The following PRSS56 variants were observed in gnomAD, a reference collection of about 807,000 sequenced individuals.
PRSS56 encodes protease, serine 56.
A neutral mutation model predicts 66.8 loss-of-function variants in PRSS56; 55 were observed. The observed-to-expected ratio is 0.82, with a 90% CI of 0.66 to 1.03. PRSS56 has a LOEUF of 1.03. PRSS56 is among the 50% of genes least tolerant of loss of function. PRSS56 has a pLI of 0.00. For missense variants in PRSS56, 869 were observed against 837.2 expected (o/e 1.04, Z -0.47); for synonymous variants, 409 against 387.9 (o/e 1.05, Z -0.64).
chr2:232,523,716 G>C (rs1691335384), intron 8 of PRSS56, 56 bp from the exon 9 acceptor site: 2 of 1,529,870 alleles, frequency 1.3e-6, no homozygotes, highest in Non-Finnish European at 1.7e-6. Context: ...GGGAAGGAGT[G>C]AGGGGGCTAG....
At chr2:232,522,411 C>T (rs1229765278) in intron 4 of PRSS56, 104 bp from the exon 5 acceptor site, 4 of 1,103,344 alleles carry the variant, frequency 3.6e-6, no homozygotes, top group Non-Finnish European at 5.0e-6. Context: ...TCCGTGCCCC[C>T]AGGTGGAGAA....
chr2:232,521,215 C>T, intron 1 of PRSS56, 106 bp from the exon 2 acceptor site: 3 of 850,786 alleles, frequency 3.5e-6, no homozygotes, highest in Non-Finnish European at 5.6e-6. Flanking sequence ...CTCATTCTGT[C>T]CCAGGCTGGT....
intron 2 of PRSS56, 118 bp from the exon 3 acceptor site, chr2:232,521,698 C>T: frequency 1.9e-6 from 2 of 1,030,534 alleles, no homozygotes; most frequent in Non-Finnish European, 2.8e-6. Flanking sequence ...AAATAGAACC[C>T]GTGTGGGCTG....
At chr2:232,520,838 GC>G in intron 1 of PRSS56, 143 bp downstream of exon 1, 2 of 595,146 alleles carry the variant, frequency 3.4e-6, no homozygotes, top group Non-Finnish European at 5.9e-6. Flanking sequence ...GCGAGAAGGG[GC>G]CAAGAACTGA....
Position 232,523,101 on chromosome 2 carries a change from CT to C in PRSS56, c.749del (p.Leu250ArgfsTer41). ...AEAVREARVP[L>X]LSTDTCRRAL... The stretch of plus-strand genomic sequence containing the variant: ...AGCAGTGAGAGAGGCCCGTGTTCCC[CT>C]GCTCAGCACCGACACCTGCCGAAGA... On this transcript the variant is annotated frameshift_variant, in exon 7 of 13. Coordinates refer to ENST00000617714, the MANE Select transcript of PRSS56 (RefSeq NM_001195129.2). LOFTEE classifies it high-confidence loss of function. 1 of 1,535,184 alleles carries C rather than the reference CT, an allele frequency of 6.5e-7. No homozygotes were observed. Among genetic ancestry groups the C allele is most frequent in the Non-Finnish European group, 8.7e-7 (1 of 1,146,368 alleles).
chr2:232,523,662 C>T, intron 8 of PRSS56, 84 bp downstream of exon 8: 1 of 1,512,702 alleles, frequency 6.6e-7, no homozygotes, highest in Non-Finnish European at 8.8e-7. Flanking sequence ...GGCCCATGCC[C>T]ATTCCCAGCT....
Position 232,523,452 on chromosome 2 carries a change from GGCCCCC to G in PRSS56, c.891_896del (p.Pro299_Arg300del), listed in dbSNP as rs1559289725. The G allele has an allele frequency of 6.7e-7, 1 of 1,502,064 alleles. No homozygotes were observed. The highest frequency in any genetic ancestry group is 2.5e-5 in the East Asian group (1 of 40,562). 93.0% of individuals were successfully genotyped at this position (1,502,064 alleles called of 1,614,324 possible). A position where few individuals can be genotyped will look rare whatever the true frequency, so the allele number is the denominator to read the frequency against. On this transcript the variant is annotated inframe_deletion, in exon 8 of 13. Coordinates refer to ENST00000617714, the MANE Select transcript of PRSS56 (RefSeq NM_001195129.2). ...AGGCCCCCTGACCTGTTCTGAGCCT[GGCCCCC>G]GCCCTAGAGAGGTCCTGTTCGGAGT...
rs1315011222 is a variant in PRSS56, at chr2:232,524,026, G to A, written c.1187-13G>A. ...GCCTCTGACCGCCGCTCCGACTCCTGTCCGGTCCGCAGAGCTGCGCTCGCT... is the reference window on the plus strand; with the variant it reads ...GCCTCTGACCGCCGCTCCGACTCCTATCCGGTCCGCAGAGCTGCGCTCGCT... On this transcript the variant is annotated splice_polypyrimidine_tract_variant and intron_variant, in intron 9 of 12. Coordinates refer to ENST00000617714, the MANE Select transcript of PRSS56 (RefSeq NM_001195129.2). 5.2e-6 allele frequency: 8 copies of A among 1,525,810 alleles called. No individual in the cohort carries two copies. The highest frequency in any genetic ancestry group is 7.0e-6 in the Non-Finnish European group (8 of 1,143,476). 94.5% of individuals were successfully genotyped at this position (1,525,810 alleles called of 1,614,324 possible).
chr2:232,521,077 T>G (rs1384861013), intron 1 of PRSS56, among the ~76,000 whole-genome samples: 1 of 152,138 alleles, frequency 6.6e-6, no homozygotes, highest in Non-Finnish European at 1.5e-5. Context: ...TAAAAAAAAT[T>G]GTTAAGGAAA....
rs1429210992 is a variant in PRSS56, at chr2:232,525,347, C to G, written c.1653C>G (p.Leu551=). 20 of 1,531,332 alleles carry G rather than the reference C, an allele frequency of 1.3e-5. No homozygotes were observed. In the East Asian group the frequency reaches 4.9e-4, roughly 38 times the overall value. 94.9% of individuals were successfully genotyped at this position (1,531,332 alleles called of 1,614,324 possible). ...GLEPATLARS[L]PRLLVQALQA... ...AGCCGGCCACACTGGCTCGCAGCCT[C>G]CCCCGGCTGCTGGTGCAGGCCCTGC... The change falls in exon 13 of 13, where the codon CTC becomes CTG. Residue 551 remains leucine (L), a synonymous_variant. Transcript: ENST00000617714.
In PRSS56 at chr2:232,525,376, C is replaced by A. The variant is rs929267732; in HGVS notation, c.1682C>A (p.Ala561Asp). The A allele has an allele frequency of 7.2e-6, 11 of 1,533,670 alleles. No individual in the cohort carries two copies. The highest frequency in any genetic ancestry group is 7.0e-6 in the Non-Finnish European group (8 of 1,146,042). Residue 561 changes from alanine (A) to aspartate (D), a missense_variant, in exon 13 of 13, where the codon GCC (alanine) becomes GAC (aspartate). Ala to Asp is a moderately radical substitution (Grantham distance 126). This residue lies in a region of PRSS56 where 551 missense variants were observed against 506.9 expected (regional missense o/e 1.09). Coordinates refer to ENST00000617714, the MANE Select transcript of PRSS56 (RefSeq NM_001195129.2). The part of the protein sequence containing the change: ...LPRLLVQALQ[A>D]FRVAALAEGE... ...CGGCTGCTGGTGCAGGCCCTGCAGG[C>A]CTTCCGCGTGGCTGCCCTGGCAGAA...
At chr2:232,523,357 C>T (rs1013747540) in intron 7 of PRSS56, 59 bp from the exon 8 acceptor site, 8 of 1,426,192 alleles carry the variant, frequency 5.6e-6, no homozygotes, top group Admixed American at 2.9e-5. Flanking sequence ...ACCTGCCAGG[C>T]GTAAGGCAGG....
Position 232,522,687 on chromosome 2 carries a change from C to T in PRSS56, c.547-15C>T. 6.5e-7 allele frequency: 1 copy of T among 1,533,610 alleles called. No homozygotes were observed. Among genetic ancestry groups the T allele is most frequent in the Non-Finnish European group, 8.7e-7 (1 of 1,145,512 alleles). On this transcript the variant is annotated splice_polypyrimidine_tract_variant and intron_variant, in intron 5 of 12. Transcript: ENST00000617714. ...CCCGTGCTTCCTTGACCCTGCGCCG[C>T]CTCCCCCTCCTCAGTTTGACCCGCG...
chr2:232,522,116 G>C lies in PRSS56; in HGVS notation c.402G>C (p.Leu134=). 1 of 1,517,408 alleles carries C rather than the reference G, an allele frequency of 6.6e-7. No homozygotes were observed. Among genetic ancestry groups the C allele is most frequent in the Non-Finnish European group, 8.8e-7 (1 of 1,139,562 alleles). 94.0% of individuals were successfully genotyped at this position (1,517,408 alleles called of 1,614,324 possible). A position where few individuals can be genotyped will look rare whatever the true frequency, so the allele number is the denominator to read the frequency against. ...GGCAGCCTCTGTGCGGCGGCGTCCTGGTAGCGGCCTCCTGGGTGCTCACGG... is the reference window on the plus strand; with the variant it reads ...GGCAGCCTCTGTGCGGCGGCGTCCTCGTAGCGGCCTCCTGGGTGCTCACGG... ...LGGQPLCGGV[L]VAASWVLTAA... Residue 134 remains leucine, a synonymous_variant, in exon 4 of 13, where the codon CTG becomes CTC. Transcript: ENST00000617714.
At chr2:232,522,335 C>A (rs1046549985) in intron 4 of PRSS56, among the ~76,000 whole-genome samples, 175 bp downstream of exon 4, 28 of 152,186 alleles carry the variant, frequency 1.8e-4, no homozygotes, top group African/African-American at 6.7e-4. Flanking sequence ...GGATGCCAGC[C>A]CGGAGGGGGT....
intron 8 of PRSS56, 73 bp downstream of exon 8, chr2:232,523,651 C>T: frequency 6.0e-6 from 9 of 1,503,812 alleles, no homozygotes; most frequent in South Asian, 3.8e-5. Flanking sequence ...CGTTTCCACC[C>T]GGCCCATGCC....
At chr2:232,524,692 A>G in intron 11 of PRSS56, 46 bp from the exon 12 acceptor site, 1 of 1,393,810 alleles carries the variant, frequency 7.2e-7, no homozygotes, top group East Asian at 2.5e-5. Context: ...CCCCAGTTCC[A>G]TACCGCAACC....
rs1345618551 is a variant in PRSS56, at chr2:232,523,881, G to C, written c.1122G>C (p.Pro374=). The C allele has an allele frequency of 1.3e-6, 2 of 1,526,602 alleles. No individual in the cohort carries two copies. Among genetic ancestry groups the C allele is most frequent in the Non-Finnish European group, 1.8e-6 (2 of 1,142,154 alleles). 94.6% of individuals were successfully genotyped at this position (1,526,602 alleles called of 1,614,324 possible). A position where few individuals can be genotyped will look rare whatever the true frequency, so the allele number is the denominator to read the frequency against. The part of the protein sequence containing the change: ...RLCAFYARLC[P]GSQGACARLA... Reference sequence around the variant, plus strand: ...GCGCCTTCTATGCCCGCCTGTGCCCGGGGTCCCAGGGCGCCTGTGCGCGCC... The same window carrying C: ...GCGCCTTCTATGCCCGCCTGTGCCCCGGGTCCCAGGGCGCCTGTGCGCGCC... Residue 374 remains proline, a synonymous_variant, in exon 9 of 13, where the codon CCG becomes CCC. Transcript: ENST00000617714.
intron 3 of PRSS56, 22 bp from the exon 4 acceptor site, chr2:232,521,949 G>T (rs1223500591): frequency 6.6e-7 from 1 of 1,506,890 alleles, no homozygotes; most frequent in South Asian, 1.2e-5. Context: ...TGTCCCTCGT[G>T]ACACCCCTTG....
Sources: gnomAD v4.1 joint callset for allele counts (sites outside exome capture counted in the v4.1 genomes callset) on GRCh38, gnomAD v4.1.1 for gene constraint, gnomAD v4.1.1 regional missense constraint, MANE v1.5 for transcripts, NCBI Gene and HGNC (gene_info 2026-07-23, HGNC 2026-07-21) for gene names.